FNTA: variants seen among roughly 807,000 people sequenced by gnomAD.
The protein encoded by FNTA is protein farnesyltransferase/geranylgeranyltransferase type-1 subunit alpha.
In FNTA, 27 loss-of-function variants were observed where a neutral mutation model predicts 55.2. That is an observed-to-expected ratio of 0.49 (90% CI 0.36 to 0.67). The LOEUF (loss-of-function observed/expected upper bound fraction) is 0.67. Among genes scored for constraint, FNTA ranks in the 30% least tolerant of loss-of-function variants. FNTA has a pLI of 0.00. For missense variants in FNTA, 422 were observed against 464.7 expected, an observed-to-expected ratio of 0.91 and a Z score of 0.85; for synonymous variants, 176 against 170.7, an observed-to-expected ratio of 1.03 and a Z score of -0.24.
chr8:43,071,500 G>A (rs1396622763), intron 4 of FNTA, among the ~76,000 whole-genome samples: 4 of 151,854 alleles, frequency 2.6e-5, no homozygotes, highest in Admixed American at 6.6e-5. Flanking sequence ...GTGAAACCCC[G>A]TCTCTACTTA....
intron 7 of FNTA, among the ~76,000 whole-genome samples, chr8:43,084,215 TCC>T (rs1491311108): frequency 3.3e-5 from 5 of 150,412 alleles, no homozygotes; most frequent in Admixed American, 3.3e-4. Flanking sequence ...CTTGTAATTA[TCC>T]TTTTTTTTTT....
rs1810738559 is a variant in FNTA, at chr8:43,069,570, T to C, written c.417T>C (p.Val139=). ...TTTGCCCTAGGCATTTCCGGAGAGT[T>C]CTTTTGAAGTCACTTCAGAAGGATC... The part of the protein sequence containing the change: ...ANYTVWHFRR[V]LLKSLQKDLH... The change falls in exon 4 of 9, where the codon GTT becomes GTC. Residue 139 remains valine (V), a synonymous_variant. Transcript: ENST00000302279. 6.2e-7 allele frequency: 1 copy of C among 1,611,448 alleles called. No homozygotes were observed. Among genetic ancestry groups the C allele is most frequent in the Non-Finnish European group, 8.5e-7 (1 of 1,177,778 alleles).
At chr8:43,073,275 A>G (rs1219039858) in intron 5 of FNTA, among the ~76,000 whole-genome samples, 2 of 152,230 alleles carry the variant, frequency 1.3e-5, no homozygotes, top group African/African-American at 2.4e-5. Flanking sequence ...TACATTTTAC[A>G]CATACAGCTC....
rs560390929 is a variant in FNTA, at chr8:43,060,550, C to T, written c.286+1373C>T. On this transcript the variant is annotated intron_variant, in intron 2 of 8. Coordinates refer to ENST00000302279, the MANE Select transcript of FNTA (RefSeq NM_002027.3). ...ATTAGCTGGGCGTGGTGGCAGGCGC[C>T]TGTAATCCCAGCTACTCAGGAGGCT... 1.3e-4 allele frequency among the ~76,000 whole-genome samples: 20 copies of T among 152,106 alleles called. No homozygotes were observed. In the South Asian group the frequency reaches 4.2e-3, roughly 32 times the overall value.
chr8:43,074,707 C>G (rs1405445782), intron 5 of FNTA, among the ~76,000 whole-genome samples: 2 of 151,970 alleles, frequency 1.3e-5, no homozygotes, highest in African/African-American at 2.4e-5. Context: ...ATCCTTGAAA[C>G]AGCAAAATTA....
chr8:43,064,815 A>G lies in FNTA; in HGVS notation c.401+600A>G, dbSNP rs564109459. On this transcript the variant is annotated intron_variant, in intron 3 of 8. Coordinates refer to ENST00000302279, the MANE Select transcript of FNTA (RefSeq NM_002027.3). ...TTAACTGTTATTATTTTTTCATTTT[A>G]TTTTATTTTATTTTATATTTTTACT... Among the ~76,000 whole-genome samples, 14 of 149,444 alleles carry G rather than the reference A, an allele frequency of 9.4e-5. No individual in the cohort carries two copies. The East Asian group carries it at 2.7e-3, about 29-fold the overall frequency.
At chr8:43,060,530 C>A (rs144971843) in intron 2 of FNTA, among the ~76,000 whole-genome samples, 1 of 152,018 alleles carries the variant, frequency 6.6e-6, no homozygotes, top group Non-Finnish European at 1.5e-5. Context: ...CAAAAATTAG[C>A]TGGGCGTGGT....
intron 6 of FNTA, chr8:43,079,225 A>AGAT (rs1310687469): frequency 5.1e-6 from 1 of 196,406 alleles, no homozygotes; most frequent in African/African-American, 2.4e-5. Context: ...TTTTCAGTGT[A>AGAT]GATGAAACAG....
At chr8:43,084,941 C>A in intron 8 of FNTA, 60 bp downstream of exon 8, 4 of 1,447,254 alleles carry the variant, frequency 2.8e-6, no homozygotes, top group Non-Finnish European at 3.8e-6. Context: ...CTGCCCAATA[C>A]CACTAATATC....
chr8:43,056,643 C>G (rs1449834802), intron 1 of FNTA, 97 bp downstream of exon 1: 4 of 809,236 alleles, frequency 4.9e-6, no homozygotes, highest in African/African-American at 3.6e-5. Flanking sequence ...CGCGCCAGGC[C>G]GAAGTTCCCG....
In FNTA at chr8:43,065,628, G is replaced by A. The variant is rs542451815; in HGVS notation, c.401+1413G>A. Among the ~76,000 whole-genome samples, 43 of 151,330 alleles carry A rather than the reference G, an allele frequency of 2.8e-4. 1 individual carries two copies. The highest frequency in any genetic ancestry group is 8.3e-4 in the South Asian group (4 of 4,820). On this transcript the variant is annotated intron_variant, in intron 3 of 8. Coordinates refer to ENST00000302279, the MANE Select transcript of FNTA (RefSeq NM_002027.3). The stretch of plus-strand genomic sequence containing the variant: ...TCTTTGTACCAATAGGTAATTTGTC[G>A]TCCAGATGCTCTGCTATATGTGAAG...
At chr8:43,073,595 G>C (rs975804150) in intron 5 of FNTA, 1 of 152,082 alleles carries the variant, frequency 6.6e-6, no homozygotes, top group African/African-American at 2.4e-5. Context: ...TTTGTGATAG[G>C]GGGACTGTGT....
At chr8:43,059,478 A>G (rs1810483929) in intron 2 of FNTA, among the ~76,000 whole-genome samples, 1 of 152,218 alleles carries the variant, frequency 6.6e-6, no homozygotes, top group South Asian at 2.1e-4. Flanking sequence ...CAGGGAGATT[A>G]TGCATGTACC....
intron 6 of FNTA, chr8:43,079,362 C>T (rs1479530102): frequency 6.4e-6 from 1 of 155,298 alleles, no homozygotes; most frequent in African/African-American, 2.4e-5. Flanking sequence ...AAGTTGAAAC[C>T]AGTGTTCGGT....
intron 5 of FNTA, among the ~76,000 whole-genome samples, chr8:43,074,863 G>A (rs1441340777): frequency 1.3e-5 from 2 of 152,096 alleles, no homozygotes; most frequent in African/African-American, 4.8e-5. Context: ...GGATTAAATT[G>A]TGTAGAATTA....
chr8:43,085,554 TC>T lies in FNTA; in HGVS notation c.*275del. On this transcript the variant is annotated 3_prime_UTR_variant, in exon 9 of 9. Transcript: ENST00000302279. The stretch of plus-strand genomic sequence containing the variant: ...GTAGTCTTATCAACATATAATCTAA[TC>T]CCTTAGCATCAGCTCCTCCCTCAGT... The T allele has an allele frequency of 2.6e-6, 1 of 384,706 alleles. No individual in the cohort carries two copies. Among genetic ancestry groups the T allele is most frequent in the Non-Finnish European group, 4.7e-6 (1 of 215,022 alleles). The allele number at this position is 384,706 out of a possible 1,614,324, so 23.8% of individuals were successfully genotyped here.
At chr8:43,081,529 C>A (rs971690490) in intron 6 of FNTA, 2 of 152,220 alleles carry the variant, frequency 1.3e-5, no homozygotes, top group African/African-American at 4.8e-5. Flanking sequence ...GGATTTGAAG[C>A]GAGGCAGCCT....
chr8:43,064,152 G>A lies in FNTA; in HGVS notation c.338G>A (p.Ser113Asn). 2 of 1,614,132 alleles carry A rather than the reference G, an allele frequency of 1.2e-6. No individual in the cohort carries two copies. Among genetic ancestry groups the A allele is most frequent in the Non-Finnish European group, 1.7e-6 (2 of 1,179,998 alleles). ...FRAVLQRDER[S>N]ERAFKLTRDA... ...GCTGTCCTGCAGCGTGATGAAAGAA[G>A]TGAACGAGCTTTTAAGCTAACCCGG... Residue 113 changes from serine to asparagine, a missense_variant, in exon 3 of 9, where the codon AGT (serine) becomes AAT (asparagine). Transcript: ENST00000302279.
At chr8:43,074,566 CA>C (rs1196809184) in intron 5 of FNTA, among the ~76,000 whole-genome samples, 2 of 152,006 alleles carry the variant, frequency 1.3e-5, no homozygotes, top group African/African-American at 4.8e-5. Context: ...CACACACACA[CA>C]CACTACTACT....
Sources: gnomAD v4.1 joint callset for allele counts (sites outside exome capture counted in the v4.1 genomes callset) on GRCh38, gnomAD v4.1.1 for gene constraint, MANE v1.5 for transcripts, NCBI Gene and HGNC (gene_info 2026-07-23, HGNC 2026-07-21) for gene names.